The following CGGBP1 variants were observed in gnomAD, a reference collection of about 807,000 sequenced individuals.
The protein encoded by CGGBP1 is CGG triplet repeat binding protein 1, also known as CGG triplet repeat-binding protein 1.
A neutral mutation model predicts 11.4 loss-of-function variants in CGGBP1; 4 were observed. The ratio of observed to expected loss-of-function variants is 0.35; its 90% confidence interval spans 0.17 to 0.80. CGGBP1 has a LOEUF of 0.80. Ranked by LOEUF, CGGBP1 falls within the 30% of genes least tolerant of loss-of-function variation. The pLI, the probability that CGGBP1 is intolerant of heterozygous loss-of-function variation, is 0.52. For synonymous variants in CGGBP1, 76 were observed against 74.1 expected (o/e 1.03, Z -0.13); for missense variants, 135 against 202.1 (o/e 0.67, Z 2.01).
chr3:88,073,322 A>G (rs1341436872), intron 2 of CGGBP1, among the ~76,000 whole-genome samples: 1 of 152,248 alleles, frequency 6.6e-6, no homozygotes, highest in African/African-American at 2.4e-5. Flanking sequence ...GAATTGGTAG[A>G]TAATAAGATT....
At chr3:88,139,540 C>T (rs765155256) in intron 2 of CGGBP1, 2 of 1,613,426 alleles carry the variant, frequency 1.2e-6, no homozygotes, top group Non-Finnish European at 1.7e-6. Flanking sequence ...TGTTCTAGTT[C>T]TTCCATTTCA....
chr3:88,101,749 A>T (rs1704438696), intron 2 of CGGBP1, among the ~76,000 whole-genome samples: 1 of 152,150 alleles, frequency 6.6e-6, no homozygotes, highest in Non-Finnish European at 1.5e-5. Flanking sequence ...AAAACTGCTA[A>T]CCAAAGTGAC....
chr3:88,112,427 TA>T (rs1705148190), intron 2 of CGGBP1, among the ~76,000 whole-genome samples: 1 of 151,932 alleles, frequency 6.6e-6, no homozygotes, highest in African/African-American at 2.4e-5. Context: ...TGCTCATGAT[TA>T]GGAAATCATT....
chr3:88,094,871 G>A (rs1040771524), intron 2 of CGGBP1, among the ~76,000 whole-genome samples: 7 of 151,578 alleles, frequency 4.6e-5, no homozygotes, highest in Admixed American at 6.6e-5. Context: ...TTTTACTGTG[G>A]AATGAAGAAA....
At chr3:88,061,180 T>A (rs1417333793), upstream of CGGBP1, among the ~76,000 whole-genome samples, 1 of 152,142 alleles carries the variant, frequency 6.6e-6, no homozygotes, top group Non-Finnish European at 1.5e-5. Context: ...TTCTGAAAAT[T>A]AGGATACAAT....
chr3:88,085,142 G>A (rs1345252379), intron 2 of CGGBP1, among the ~76,000 whole-genome samples: 1 of 152,218 alleles, frequency 6.6e-6, no homozygotes, highest in Non-Finnish European at 1.5e-5. Flanking sequence ...AGTGATTAGT[G>A]TGAAAAGTCT....
intron 2 of CGGBP1, among the ~76,000 whole-genome samples, chr3:88,064,109 C>T (rs9861763): frequency 2.7e-5 from 4 of 147,962 alleles, no homozygotes; most frequent in Non-Finnish European, 4.5e-5. Flanking sequence ...CGAGCTTCTT[C>T]TTTTTTTTTT....
At chr3:88,072,461 A>C (rs1441903561) in intron 2 of CGGBP1, among the ~76,000 whole-genome samples, 1 of 152,118 alleles carries the variant, frequency 6.6e-6, no homozygotes, top group Admixed American at 6.5e-5. Flanking sequence ...TTTTTCTTTT[A>C]TTACTATACA....
At chr3:88,110,039 C>T (rs985373326) in intron 2 of CGGBP1, among the ~76,000 whole-genome samples, 2 of 151,958 alleles carry the variant, frequency 1.3e-5, no homozygotes, top group African/African-American at 4.8e-5. Context: ...CTTGTGTTTC[C>T]TTATAGATTG....
intron 2 of CGGBP1, among the ~76,000 whole-genome samples, chr3:88,110,993 T>G (rs1705055808): frequency 6.6e-6 from 1 of 152,090 alleles, no homozygotes; most frequent in East Asian, 1.9e-4. Context: ...CACTACCATC[T>G]GTGCTTTAGA....
chr3:88,069,537 T>C (rs546024137), intron 2 of CGGBP1, among the ~76,000 whole-genome samples: 2 of 152,340 alleles, frequency 1.3e-5, no homozygotes, highest in East Asian at 3.9e-4. Context: ...ATAGCACTTA[T>C]CGAAGTTATA....
At chr3:88,072,491 T>A (rs569964342) in intron 2 of CGGBP1, among the ~76,000 whole-genome samples, 62 of 152,338 alleles carry the variant, frequency 4.1e-4, no homozygotes, top group Non-Finnish European at 2.6e-4. Context: ...ACTAGTGTCT[T>A]TGCCACTCCT....
upstream of CGGBP1, among the ~76,000 whole-genome samples, chr3:88,062,303 T>C (rs1706929614): frequency 1.3e-5 from 2 of 152,344 alleles, no homozygotes; most frequent in African/African-American, 2.4e-5. Context: ...GTTTCCATTA[T>C]GTAGACATGC....
intron 2 of CGGBP1, among the ~76,000 whole-genome samples, chr3:88,080,724 A>C (rs1356802621): frequency 6.6e-6 from 1 of 152,214 alleles, no homozygotes; most frequent in Admixed American, 6.5e-5. Flanking sequence ...ATAAAGTAGA[A>C]AAAGTAAATG....
intron 1 of CGGBP1, among the ~76,000 whole-genome samples, chr3:88,148,328 A>G (rs1707345842): frequency 6.6e-6 from 1 of 152,242 alleles, no homozygotes; most frequent in East Asian, 1.9e-4. Flanking sequence ...TAGGTGCTCA[A>G]TTATAATACA....
intron 2 of CGGBP1, among the ~76,000 whole-genome samples, chr3:88,094,706 G>GT: frequency 6.6e-6 from 1 of 152,208 alleles, no homozygotes; most frequent in South Asian, 2.1e-4. Flanking sequence ...TATGAATGGT[G>GT]TAAGTACATT....
intron 2 of CGGBP1, among the ~76,000 whole-genome samples, chr3:88,107,581 C>T (rs887524894): frequency 6.6e-5 from 10 of 152,142 alleles, no homozygotes; most frequent in Non-Finnish European, 1.5e-4. Context: ...GTCTTTGCCA[C>T]ATTTCTTATT....
intron 2 of CGGBP1, among the ~76,000 whole-genome samples, chr3:88,111,219 GT>G (rs1705071587): frequency 6.6e-6 from 1 of 151,914 alleles, no homozygotes; most frequent in African/African-American, 2.4e-5. Flanking sequence ...TGTTGGGCTT[GT>G]TTTATACTTA....
chr3:88,116,586 A>G (rs1705417265), intron 2 of CGGBP1, among the ~76,000 whole-genome samples: 1 of 150,790 alleles, frequency 6.6e-6, no homozygotes, highest in African/African-American at 2.4e-5. Context: ...ACATGCACAT[A>G]TATTATATAT....
Sources: gnomAD v4.1 joint callset for allele counts (sites outside exome capture counted in the v4.1 genomes callset) on GRCh38, gnomAD v4.1.1 for gene constraint, MANE v1.5 for transcripts, NCBI Gene and HGNC (gene_info 2026-07-23, HGNC 2026-07-21) for gene names.